The following TMEM135 variants were observed in gnomAD, a reference collection of about 807,000 sequenced individuals.
TMEM135 encodes transmembrane protein 135.
Under a neutral mutation model 60.3 loss-of-function variants are expected in TMEM135, and 30 were observed. That is an observed-to-expected ratio of 0.50 (90% CI 0.37 to 0.68). The LOEUF (loss-of-function observed/expected upper bound fraction) is 0.68. Among genes scored for constraint, TMEM135 ranks in the 30% least tolerant of loss-of-function variants. The pLI, the probability that TMEM135 is intolerant of heterozygous loss-of-function variation, is 0.00. For missense variants in TMEM135, 468 were observed against 548.8 expected (o/e 0.85, Z 1.47); for synonymous variants, 190 against 186.7 (o/e 1.02, Z -0.14).
intron 4 of TMEM135, among the ~76,000 whole-genome samples, chr11:87,138,251 C>T (rs979445276): frequency 2.0e-5 from 3 of 151,862 alleles, no homozygotes; most frequent in South Asian, 2.1e-4. Context: ...CCACCACACC[C>T]GGCTAATTTT....
At chr11:87,111,240 AT>A (rs1447244164) in intron 4 of TMEM135, among the ~76,000 whole-genome samples, 1 of 151,830 alleles carries the variant, frequency 6.6e-6, no homozygotes, top group South Asian at 2.1e-4. Flanking sequence ...ATTTAAAGGG[AT>A]TTTTTTGTTT....
intron 7 of TMEM135, among the ~76,000 whole-genome samples, chr11:87,301,242 A>G (rs1247335153): frequency 6.6e-6 from 1 of 151,796 alleles, no homozygotes; most frequent in African/African-American, 2.4e-5. Context: ...TGTTTGTCAC[A>G]GGTCTCAAGT....
intron 9 of TMEM135, among the ~76,000 whole-genome samples, chr11:87,309,095 G>A (rs946328599): frequency 2.0e-5 from 3 of 152,118 alleles, no homozygotes; most frequent in Non-Finnish European, 2.9e-5. Context: ...ATTAAGAGCA[G>A]TTTTCTGTTA....
chr11:87,052,762 C>G (rs200604415), intron 1 of TMEM135, among the ~76,000 whole-genome samples: 228 of 92,392 alleles, frequency 2.5e-3, no homozygotes, highest in Middle Eastern at 4.7e-3. Context: ...GTGGCGATTC[C>G]TCAGGGATCT....
intron 5 of TMEM135, among the ~76,000 whole-genome samples, chr11:87,175,614 TTAAG>T (rs1939348302): frequency 6.6e-6 from 1 of 152,148 alleles, no homozygotes; most frequent in Non-Finnish European, 1.5e-5. Context: ...CAACATCTGT[TTAAG>T]TATGGAACAA....
chr11:87,308,059 A>G lies in TMEM135; in HGVS notation c.769-1446A>G, dbSNP rs569866910. 2.9e-3 allele frequency among the ~76,000 whole-genome samples: 438 copies of G among 152,214 alleles called. 2 individuals are homozygous for G. The highest frequency in any genetic ancestry group is 4.4e-3 in the Non-Finnish European group (300 of 68,008). ...TGTTAATGTCTATCCTAGTGTCTTG[A>G]TTACTTCCTTCCTAACATTTATTAT... On this transcript the variant is annotated intron_variant, in intron 9 of 14. Transcript: ENST00000305494.
chr11:87,303,280 C>T (rs939743368), intron 8 of TMEM135, among the ~76,000 whole-genome samples: 15 of 152,086 alleles, frequency 9.9e-5, no homozygotes, highest in Admixed American at 5.9e-4. Context: ...ATCTAAGTTG[C>T]GTGCTTCTTA....
At position 87,283,258 on chromosome 11, in the gene TMEM135, C is replaced by T. The variant is rs181827572; in HGVS notation, c.510-12524C>T. ...CTGACACAGGAGAATTGTTTGAACC[C>T]GGAGGTGGAGGTTGCAGTGAGCCGA... On this transcript the variant is annotated intron_variant, in intron 6 of 14. Transcript: ENST00000305494. Among the ~76,000 whole-genome samples, 14 of 150,458 alleles carry T rather than the reference C, an allele frequency of 9.3e-5. No homozygotes were observed. In the East Asian group the frequency reaches 1.8e-3, roughly 19 times the overall value.
At chr11:87,186,808 T>G (rs1362224360) in intron 5 of TMEM135, among the ~76,000 whole-genome samples, 1 of 152,142 alleles carries the variant, frequency 6.6e-6, no homozygotes, top group Non-Finnish European at 1.5e-5. Context: ...TATGGCCTAA[T>G]TTTTTTACTC....
At chr11:87,053,761 A>T (rs984377433) in intron 1 of TMEM135, among the ~76,000 whole-genome samples, 1 of 152,186 alleles carries the variant, frequency 6.6e-6, no homozygotes, top group Non-Finnish European at 1.5e-5. Flanking sequence ...ATCGTAATAT[A>T]TACATAATAT....
At chr11:87,174,982 A>C (rs571765525) in intron 5 of TMEM135, among the ~76,000 whole-genome samples, 3 of 152,080 alleles carry the variant, frequency 2.0e-5, no homozygotes, top group Non-Finnish European at 4.4e-5. Context: ...ACTGGTCATC[A>C]CTTTCAGGGT....
rs916991925 is a variant in TMEM135 at position 87,151,761 on chromosome 11, G to T, written c.397-5580G>T. Among the ~76,000 whole-genome samples the T allele has an allele frequency of 2.6e-5, 4 of 152,060 alleles. No individual in the cohort carries two copies. In the East Asian group the frequency reaches 7.7e-4, roughly 29 times the overall value. The stretch of plus-strand genomic sequence containing the variant: ...CTATCACGAGAATGGGAAAGTGGTT[G>T]GGATATAAGCAGAGTTCCACTGCTT... On this transcript the variant is annotated intron_variant, in intron 4 of 14. Transcript: ENST00000305494.
chr11:87,210,228 T>C (rs965687380), intron 5 of TMEM135, among the ~76,000 whole-genome samples: 2 of 152,124 alleles, frequency 1.3e-5, no homozygotes, highest in South Asian at 4.1e-4. Context: ...GAACCAAAAG[T>C]TCGTTCTTTG....
chr11:87,261,099 C>G (rs1941643211), intron 6 of TMEM135, among the ~76,000 whole-genome samples: 1 of 152,168 alleles, frequency 6.6e-6, no homozygotes, highest in Non-Finnish European at 1.5e-5. Flanking sequence ...TACCTCACAA[C>G]AAGTAGAGTC....
intron 14 of TMEM135, among the ~76,000 whole-genome samples, chr11:87,320,476 A>G (rs1308640002): frequency 6.6e-6 from 1 of 152,192 alleles, no homozygotes; most frequent in East Asian, 1.9e-4. Flanking sequence ...AGTCACATTT[A>G]TAGGCTGTCA....
rs1940454537 is a variant in TMEM135, at chr11:87,214,491, G to T, written c.463-22147G>T. ...GGAAGTTACATCTTTTTAGGCTGTGGTTTAGATTATCAGGTGAATGAGAAT... is the reference window on the plus strand; with the variant it reads ...GGAAGTTACATCTTTTTAGGCTGTGTTTTAGATTATCAGGTGAATGAGAAT... On this transcript the variant is annotated intron_variant, in intron 5 of 14. Transcript: ENST00000305494. Among the ~76,000 whole-genome samples the T allele has an allele frequency of 2.0e-5, 3 of 152,044 alleles. No individual in the cohort carries two copies. In the South Asian group the frequency reaches 6.2e-4, roughly 31 times the overall value.
intron 5 of TMEM135, among the ~76,000 whole-genome samples, chr11:87,173,352 C>T (rs1306939748): frequency 1.3e-5 from 2 of 152,092 alleles, no homozygotes; most frequent in African/African-American, 4.8e-5. Context: ...AGTGTTCCTT[C>T]TTTTTTCTTT....
chr11:87,107,125 T>C (rs534409070), intron 4 of TMEM135, among the ~76,000 whole-genome samples: 12 of 152,332 alleles, frequency 7.9e-5, no homozygotes, highest in African/African-American at 2.4e-4. Flanking sequence ...TGACATTTCA[T>C]TGGGGACAAA....
At chr11:87,308,048 C>G (rs868519399) in intron 9 of TMEM135, among the ~76,000 whole-genome samples, 26 of 152,100 alleles carry the variant, frequency 1.7e-4, no homozygotes, top group African/African-American at 6.3e-4. Context: ...AATGTCTATC[C>G]TAGTGTCTTG....
Sources: allele counts gnomAD v4.1 joint callset (sites outside exome capture counted in the v4.1 genomes callset), GRCh38; gene constraint gnomAD v4.1.1; transcripts MANE v1.5; gene names NCBI Gene and HGNC (gene_info 2026-07-23, HGNC 2026-07-21).